PNLIPRP1: variants seen among roughly 807,000 people sequenced by gnomAD.
PNLIPRP1 encodes pancreatic lipase related protein 1.
PNLIPRP1 carries 57 observed loss-of-function variants against 54.6 expected under a neutral mutation model. The ratio of observed to expected loss-of-function variants is 1.04; its 90% CI spans 0.84 to 1.30. The LOEUF is 1.30. Ranked by LOEUF, PNLIPRP1 falls within the 50% of genes most tolerant of loss-of-function variation. The pLI is 0.00. For synonymous variants in PNLIPRP1, 232 were observed against 208.8 expected (o/e 1.11, Z -0.96); for missense variants, 567 against 568.5 (o/e 1.00, Z 0.03).
At chr10:116,600,007 C>T in intron 8 of PNLIPRP1, 40 bp from the exon 9 acceptor site, 2 of 1,339,998 alleles carry the variant, frequency 1.5e-6, no homozygotes, top group Non-Finnish European at 1.1e-6. Flanking sequence ...TGTTACAGGC[C>T]CCCAACCACC....
rs141478509 is a variant in PNLIPRP1, at chr10:116,592,480, G to A, written c.269G>A (p.Arg90Gln). The A allele has an allele frequency of 3.4e-4, 543 of 1,614,048 alleles. No homozygotes were observed. The highest frequency in any genetic ancestry group is 4.4e-4 in the Non-Finnish European group (515 of 1,179,936). Reference sequence around the variant, plus strand: ...AATTTTCAAATGGACAGAAAGACCCGGTTCATCATCCATGGCTTCATAGAC... The same window carrying A: ...AATTTTCAAATGGACAGAAAGACCCAGTTCATCATCCATGGCTTCATAGAC... ...ASNFQMDRKT[R>Q]FIIHGFIDKG... The change falls in exon 4 of 13, where the codon CGG (arginine) becomes CAG (glutamine). Residue 90 changes from arginine (R) to glutamine (Q), a missense_variant. By Grantham distance (43) the Arg-to-Gln change is conservative (BLOSUM62 1). Coordinates refer to ENST00000358834, the MANE Select transcript of PNLIPRP1 (RefSeq NM_006229.4).
chr10:116,601,708 C>T (rs1554864809), intron 10 of PNLIPRP1, among the ~76,000 whole-genome samples: 1 of 152,190 alleles, frequency 6.6e-6, no homozygotes, highest in East Asian at 1.9e-4. Context: ...GATGATTTCT[C>T]TCCAAAACCT....
chr10:116,608,090 A>T (rs1554865783), intron 12 of PNLIPRP1, among the ~76,000 whole-genome samples: 3 of 152,110 alleles, frequency 2.0e-5, no homozygotes, highest in African/African-American at 7.2e-5. Context: ...TCCCGGCCTC[A>T]AGTGATCCAC....
intron 11 of PNLIPRP1, among the ~76,000 whole-genome samples, chr10:116,605,112 G>A (rs1847915693): frequency 1.3e-5 from 2 of 152,152 alleles, no homozygotes; most frequent in South Asian, 2.1e-4. Context: ...ATTTGTTACT[G>A]TACAAATAAT....
intron 10 of PNLIPRP1, among the ~76,000 whole-genome samples, 162 bp from the exon 11 acceptor site, chr10:116,603,867 TG>T (rs1291455517): frequency 1.3e-5 from 2 of 152,202 alleles, no homozygotes; most frequent in East Asian, 3.8e-4. Flanking sequence ...CACTCCAGCC[TG>T]GGTGACAGAG....
intron 4 of PNLIPRP1, among the ~76,000 whole-genome samples, chr10:116,594,082 A>G (rs1485611400): frequency 6.6e-6 from 1 of 152,202 alleles, no homozygotes; most frequent in African/African-American, 2.4e-5. Flanking sequence ...TTCCAAGTGC[A>G]TTTTAAATTT....
intron 5 of PNLIPRP1, 165 bp downstream of exon 5, chr10:116,595,029 A>G (rs940746181): frequency 2.7e-6 from 2 of 751,694 alleles, no homozygotes; most frequent in Admixed American, 2.9e-5. Flanking sequence ...CGCCAGTGGA[A>G]GCAAAAATAA....
At chr10:116,594,063 G>A (rs1847690902) in intron 4 of PNLIPRP1, among the ~76,000 whole-genome samples, 1 of 151,924 alleles carries the variant, frequency 6.6e-6, no homozygotes, top group Non-Finnish European at 1.5e-5. Flanking sequence ...TATACTATAT[G>A]TGGAATGATT....
At chr10:116,604,356 G>A (rs577625972) in intron 11 of PNLIPRP1, among the ~76,000 whole-genome samples, 1 of 152,274 alleles carries the variant, frequency 6.6e-6, no homozygotes, top group South Asian at 2.1e-4. Flanking sequence ...ATGTTTGGGT[G>A]TTTAGATACA....
Position 116,592,417 on chromosome 10 carries a change from T to C in PNLIPRP1, c.206T>C (p.Ile69Thr), listed in dbSNP as rs1554863339. 6.2e-7 allele frequency: 1 copy of C among 1,600,536 alleles called. No homozygotes were observed. Among genetic ancestry groups the C allele is most frequent in the Non-Finnish European group, 8.5e-7 (1 of 1,170,960 alleles). The stretch of plus-strand genomic sequence containing the variant: ...GAAGCACTTCTGCGTCTGTCACAGA[T>C]TCTCCTCCTCTCTGATCCATCAACA... ...YTNENPNNFQILLLSDPSTIE... is the reference protein window; with the variant it reads ...YTNENPNNFQTLLLSDPSTIE... The change falls in exon 4 of 13, where the codon ATT (isoleucine) becomes ACT (threonine). Residue 69 changes from isoleucine (I) to threonine (T), a missense_variant and splice_region_variant. Coordinates refer to ENST00000358834, the MANE Select transcript of PNLIPRP1 (RefSeq NM_006229.4).
At chr10:116,601,343 G>A in intron 10 of PNLIPRP1, 142 bp downstream of exon 10, 1 of 761,124 alleles carries the variant, frequency 1.3e-6, no homozygotes, top group Non-Finnish European at 2.1e-6. Flanking sequence ...AACTATTGCA[G>A]TTACAAGTAA....
At chr10:116,605,665 A>G (rs1847925135) in intron 12 of PNLIPRP1, 112 bp downstream of exon 12, 3 of 708,314 alleles carry the variant, frequency 4.2e-6, no homozygotes, top group African/African-American at 3.6e-5. Context: ...AAGAAAATTT[A>G]CCCATCTGTG....
chr10:116,601,137 TG>T lies in PNLIPRP1; in HGVS notation c.1001del (p.Gly334AlafsTer12). The T allele has an allele frequency of 6.2e-7, 1 of 1,614,136 alleles. No individual in the cohort carries two copies. Among genetic ancestry groups the T allele is most frequent in the South Asian group, 1.1e-5 (1 of 91,066 alleles). On this transcript the variant is annotated frameshift_variant, in exon 10 of 13. Transcript: ENST00000358834. LOFTEE classifies it high-confidence loss of function. ...QMGHYADKFAGRTSEEQQKFF... is the reference protein window; with the variant it reads ...QMGHYADKFAXRTSEEQQKFF... ...TGGGTCACTATGCTGATAAATTTGCTGGCAGGACAAGTGAAGAGCAGCAGAA... is the reference window on the plus strand; with the variant it reads ...TGGGTCACTATGCTGATAAATTTGCTGCAGGACAAGTGAAGAGCAGCAGAA...
At chr10:116,605,624 G>A (rs1461013969) in intron 12 of PNLIPRP1, 71 bp downstream of exon 12, 45 of 1,193,412 alleles carry the variant, frequency 3.8e-5, no homozygotes, top group Non-Finnish European at 5.2e-5. Flanking sequence ...ACCCACCCTA[G>A]AAAGTTACGT....
chr10:116,606,816 C>T (rs1554865613), intron 12 of PNLIPRP1, among the ~76,000 whole-genome samples: 1 of 152,194 alleles, frequency 6.6e-6, no homozygotes, highest in Non-Finnish European at 1.5e-5. Flanking sequence ...CTGTCACCTG[C>T]ATTCCAGTGG....
chr10:116,601,573 A>C (rs1392483204), intron 10 of PNLIPRP1, among the ~76,000 whole-genome samples: 1 of 152,190 alleles, frequency 6.6e-6, no homozygotes, highest in Non-Finnish European at 1.5e-5. Flanking sequence ...AATTGGTACC[A>C]GCTCTTTGCT....
At chr10:116,598,561 T>C (rs1409497742) in intron 8 of PNLIPRP1, among the ~76,000 whole-genome samples, 2 of 152,208 alleles carry the variant, frequency 1.3e-5, no homozygotes, top group Admixed American at 6.5e-5. Context: ...TTCAAAATGA[T>C]GTAATCAGCT....
intron 11 of PNLIPRP1, 117 bp from the exon 12 acceptor site, chr10:116,605,269 G>C (rs1325569509): frequency 1.7e-6 from 1 of 575,624 alleles, no homozygotes; most frequent in Non-Finnish European, 2.9e-6. Flanking sequence ...CCTTTATTTG[G>C]AAATTAATTC....
chr10:116,591,981 T>C (rs1346233682), intron 3 of PNLIPRP1, 56 bp downstream of exon 3: 5 of 1,574,924 alleles, frequency 3.2e-6, no homozygotes, highest in Non-Finnish European at 4.4e-6. Flanking sequence ...ATGCCCACCC[T>C]GCAGACCATG....
Sources: allele counts gnomAD v4.1 joint callset (sites outside exome capture counted in the v4.1 genomes callset), GRCh38; gene constraint gnomAD v4.1.1; transcripts MANE v1.5; gene names NCBI Gene and HGNC (gene_info 2026-07-23, HGNC 2026-07-21).